The following PCCA variants were observed in gnomAD, a reference collection of about 807,000 sequenced individuals.
The protein encoded by PCCA is propionyl-CoA carboxylase subunit alpha, also known as propionyl-CoA carboxylase alpha chain, mitochondrial.
PCCA carries 74 observed loss-of-function variants against 101.3 expected under a neutral mutation model. The observed-to-expected ratio is 0.73, with a 90% CI of 0.61 to 0.89. The LOEUF (loss-of-function observed/expected upper bound fraction) is 0.89, where lower values mean the gene tolerates loss of function less well. Ranked by LOEUF, PCCA falls within the 40% of genes least tolerant of loss-of-function variation. PCCA has a pLI of 0.00. For missense variants in PCCA, 891 were observed against 907.0 expected (o/e 0.98, Z 0.23); for synonymous variants, 294 against 313.6 (o/e 0.94, Z 0.66).
At chr13:100,316,824 A>T (rs2067397676) in intron 16 of PCCA, among the ~76,000 whole-genome samples, 1 of 151,560 alleles carries the variant, frequency 6.6e-6, no homozygotes, top group Non-Finnish European at 1.5e-5. Context: ...CCCAGGCTGG[A>T]GTGTAGTGGC....
intron 20 of PCCA, among the ~76,000 whole-genome samples, chr13:100,427,355 C>T (rs984661914): frequency 3.3e-5 from 5 of 152,210 alleles, no homozygotes; most frequent in Non-Finnish European, 7.3e-5. Flanking sequence ...TCTCAGTAGT[C>T]AGAAGAAAGA....
chr13:100,199,579 A>G (rs1003925447), intron 6 of PCCA, among the ~76,000 whole-genome samples: 2 of 152,246 alleles, frequency 1.3e-5, no homozygotes, highest in African/African-American at 2.4e-5. Flanking sequence ...ATGGGATCAG[A>G]CTTGGATTTG....
chr13:100,385,417 T>TATGAAATCAA (rs2076445387), intron 19 of PCCA, among the ~76,000 whole-genome samples: 1 of 152,124 alleles, frequency 6.6e-6, no homozygotes, highest in Non-Finnish European at 1.5e-5. Context: ...TGCAGAACTC[T>TATGAAATCAA]TACAAATCAA....
At chr13:100,322,225 C>T (rs9518049) in intron 16 of PCCA, among the ~76,000 whole-genome samples, 45,801 of 152,064 alleles carry the variant, frequency 0.3, 8,268 homozygotes, top group Middle Eastern at 0.46. Context: ...AGGAAACCCA[C>T]AGTAAGACGA....
chr13:100,525,285 C>G (rs2153006039), intron 22 of PCCA, among the ~76,000 whole-genome samples: 1 of 152,324 alleles, frequency 6.6e-6, no homozygotes, highest in East Asian at 1.9e-4. Flanking sequence ...AATTTCAGGC[C>G]TCCCCACTTT....
chr13:100,215,531 C>T (rs1187918089), intron 7 of PCCA, among the ~76,000 whole-genome samples: 2 of 152,184 alleles, frequency 1.3e-5, no homozygotes, highest in Non-Finnish European at 2.9e-5. Flanking sequence ...GACCTACCCC[C>T]TCAGATACCA....
At chr13:100,338,380 T>C (rs908375625) in intron 17 of PCCA, among the ~76,000 whole-genome samples, 1 of 152,170 alleles carries the variant, frequency 6.6e-6, no homozygotes, top group African/African-American at 2.4e-5. Flanking sequence ...CATCACACAA[T>C]ATGTGTCCCT....
At chr13:100,229,720 G>A (rs2060354874) in intron 7 of PCCA, among the ~76,000 whole-genome samples, 1 of 152,196 alleles carries the variant, frequency 6.6e-6, no homozygotes, top group Non-Finnish European at 1.5e-5. Context: ...GCAGTAGGGT[G>A]GGCGCCTCAG....
intron 7 of PCCA, among the ~76,000 whole-genome samples, chr13:100,226,296 TA>T (rs1490464202): frequency 5.3e-5 from 8 of 152,136 alleles, no homozygotes; most frequent in South Asian, 4.1e-4. Context: ...AACAAATTAT[TA>T]TTTTTTTTTA....
At chr13:100,408,123 G>A (rs1019284392) in intron 19 of PCCA, among the ~76,000 whole-genome samples, 2 of 152,226 alleles carry the variant, frequency 1.3e-5, no homozygotes, top group Non-Finnish European at 2.9e-5. Context: ...CTGCACTCCA[G>A]CCTGGGTGAC....
chr13:100,268,386 A>G (rs186000285), intron 10 of PCCA, among the ~76,000 whole-genome samples: 1 of 152,156 alleles, frequency 6.6e-6, no homozygotes, highest in East Asian at 1.9e-4. Flanking sequence ...TATCCCCTTC[A>G]CTAACACTCA....
chr13:100,337,855 A>G (rs1273642538), intron 17 of PCCA, among the ~76,000 whole-genome samples: 1 of 152,242 alleles, frequency 6.6e-6, no homozygotes, highest in East Asian at 1.9e-4. Flanking sequence ...GTGAACCACC[A>G]TGAGAAATAC....
At chr13:100,303,068 G>A in intron 14 of PCCA, 70 bp downstream of exon 14, 3 of 882,996 alleles carry the variant, frequency 3.4e-6, no homozygotes, top group Non-Finnish European at 1.9e-6. Context: ...TTATGTTAAA[G>A]CATGTCAACA....
chr13:100,264,684 G>A (rs1182423459), intron 10 of PCCA, among the ~76,000 whole-genome samples: 1 of 152,054 alleles, frequency 6.6e-6, no homozygotes, highest in Non-Finnish European at 1.5e-5. Context: ...AAATTGCTGT[G>A]TCTTTTTATG....
chr13:100,095,990 A>G (rs1166406007), intron 1 of PCCA, among the ~76,000 whole-genome samples: 1 of 152,174 alleles, frequency 6.6e-6, no homozygotes, highest in African/African-American at 2.4e-5. Context: ...ACCAAGCTAG[A>G]GATGATGGTA....
intron 21 of PCCA, among the ~76,000 whole-genome samples, chr13:100,501,203 C>T (rs924817267): frequency 5.3e-5 from 8 of 152,138 alleles, no homozygotes; most frequent in African/African-American, 1.9e-4. Context: ...AAGAGTCATA[C>T]ATACTTTTTG....
At chr13:100,496,512 C>T (rs915344721) in intron 21 of PCCA, among the ~76,000 whole-genome samples, 11 of 151,804 alleles carry the variant, frequency 7.2e-5, no homozygotes, top group Middle Eastern at 6.8e-3. Context: ...GGTGCTGCTG[C>T]GTTGTCCTCG....
chr13:100,489,683 C>T (rs2084739040), intron 21 of PCCA, among the ~76,000 whole-genome samples: 1 of 152,116 alleles, frequency 6.6e-6, no homozygotes, highest in Non-Finnish European at 1.5e-5. Context: ...TTTATTGTGT[C>T]AAAAACAAAA....
intron 6 of PCCA, among the ~76,000 whole-genome samples, chr13:100,172,349 T>C (rs2055771419): frequency 6.6e-6 from 1 of 152,210 alleles, no homozygotes; most frequent in South Asian, 2.1e-4. Context: ...TAAAAACAAA[T>C]ATTTTTTAGG....
Sources: gnomAD v4.1 joint callset for allele counts (sites outside exome capture counted in the v4.1 genomes callset) on GRCh38, gnomAD v4.1.1 for gene constraint, MANE v1.5 for transcripts, NCBI Gene and HGNC (gene_info 2026-07-23, HGNC 2026-07-21) for gene names.